The following FARS2 variants were observed in gnomAD, a reference collection of about 807,000 sequenced individuals.
The protein encoded by FARS2 is phenylalanyl-tRNA synthetase 2, mitochondrial.
Under a neutral mutation model 46.4 loss-of-function variants are expected in FARS2, and 40 were observed. That is an observed-to-expected ratio of 0.86 (90% CI 0.67 to 1.12). FARS2 has a LOEUF of 1.12. FARS2 is among the 50% of genes most tolerant of loss of function. The pLI is 0.00. For missense variants in FARS2, 513 were observed against 567.9 expected (o/e 0.90, Z 0.98); for synonymous variants, 234 against 214.9 (o/e 1.09, Z -0.78).
At chr6:5,366,914 A>G (rs1250464846) in intron 1 of FARS2, among the ~76,000 whole-genome samples, 1 of 152,230 alleles carries the variant, frequency 6.6e-6, no homozygotes, top group African/African-American at 2.4e-5. Context: ...TGCAGTGACA[A>G]GTCACTGAAC....
At chr6:5,693,324 C>G (rs1013688789) in intron 6 of FARS2, among the ~76,000 whole-genome samples, 13 of 152,226 alleles carry the variant, frequency 8.5e-5, no homozygotes, top group Non-Finnish European at 1.5e-5. Context: ...CTCACCAGAT[C>G]TGCCCCCTCA....
chr6:5,607,854 A>G (rs1774930789), intron 5 of FARS2, among the ~76,000 whole-genome samples: 1 of 152,186 alleles, frequency 6.6e-6, no homozygotes, highest in Non-Finnish European at 1.5e-5. Context: ...AAATCAGCAG[A>G]TAAAAGAAAG....
chr6:5,453,023 C>T (rs2150272743), intron 4 of FARS2, among the ~76,000 whole-genome samples: 1 of 152,136 alleles, frequency 6.6e-6, no homozygotes, highest in South Asian at 2.1e-4. Context: ...CTGTGTAGGT[C>T]CGTTTGAGAA....
chr6:5,626,813 G>A (rs1031213295), intron 6 of FARS2, among the ~76,000 whole-genome samples: 3 of 152,154 alleles, frequency 2.0e-5, no homozygotes, highest in Admixed American at 6.5e-5. Flanking sequence ...TGAGAAATTC[G>A]TCATTAGATT....
chr6:5,341,204 TATATATATATATATATATATATATATATA>T lies in FARS2; in HGVS notation c.-21-27345_-21-27317del, dbSNP rs1164967477. Among the ~76,000 whole-genome samples the T allele has an allele frequency of 9.3e-3, 44 of 4,712 alleles. 2 individuals are homozygous for T. The highest frequency in any genetic ancestry group is 0.018 in the Non-Finnish European group (33 of 1,828). 3.1% of individuals were successfully genotyped at this position (4,712 alleles called of 152,430 possible). On this transcript the variant is annotated intron_variant, in intron 1 of 6. Coordinates refer to ENST00000274680, the MANE Select transcript of FARS2 (RefSeq NM_006567.5). ...CCATGGGGAGATATATATATATATA[TATATATATATATATATATATATATATATA>T]TATTTTTTTTTTTTTTTTTTTTTTC...
At chr6:5,620,502 G>GA (rs915132313) in intron 6 of FARS2, among the ~76,000 whole-genome samples, 2 of 152,134 alleles carry the variant, frequency 1.3e-5, no homozygotes, top group African/African-American at 4.8e-5. Flanking sequence ...CCAGGCTTTG[G>GA]AAAGAGCAGG....
At chr6:5,342,186 A>T (rs1344367524) in intron 1 of FARS2, among the ~76,000 whole-genome samples, 1 of 152,230 alleles carries the variant, frequency 6.6e-6, no homozygotes, top group Non-Finnish European at 1.5e-5. Flanking sequence ...ATATTAAAAG[A>T]TAGATATCCT....
chr6:5,643,749 A>T (rs1004514683), intron 6 of FARS2, among the ~76,000 whole-genome samples: 1 of 152,146 alleles, frequency 6.6e-6, no homozygotes, highest in African/African-American at 2.4e-5. Context: ...CTTGATCCAC[A>T]GTCTACCAGC....
At chr6:5,312,892 T>C (rs1019342373) in intron 1 of FARS2, among the ~76,000 whole-genome samples, 1 of 152,156 alleles carries the variant, frequency 6.6e-6, no homozygotes, top group Non-Finnish European at 1.5e-5. Flanking sequence ...CCAAAGAATC[T>C]GGGGGATACT....
At chr6:5,384,939 A>G (rs1392241939) in intron 2 of FARS2, among the ~76,000 whole-genome samples, 1 of 152,224 alleles carries the variant, frequency 6.6e-6, no homozygotes, top group African/African-American at 2.4e-5. Context: ...GGGAGAAAAT[A>G]AAGTCTGCTT....
rs142048370 is a variant in FARS2 at position 5,751,274 on chromosome 6, T to C, written c.1218-20017T>C. Among the ~76,000 whole-genome samples, 53 of 152,342 alleles carry C rather than the reference T, an allele frequency of 3.5e-4. 1 individual carries two copies. The highest frequency in any genetic ancestry group is 1.2e-3 in the African/African-American group (51 of 41,576). On this transcript the variant is annotated intron_variant, in intron 6 of 6. Transcript: ENST00000274680. ...TCAGGCTAAGTCTGGGCTTTCCATC[T>C]ACTTTTAGTTGATCAGGCAAATGGC... is the stretch of plus-strand genomic sequence containing the variant.
chr6:5,526,281 A>C (rs1276895165), intron 4 of FARS2, among the ~76,000 whole-genome samples: 3 of 152,220 alleles, frequency 2.0e-5, no homozygotes, highest in Non-Finnish European at 2.9e-5. Context: ...GTTTTGGATA[A>C]TGATGAAGAG....
At chr6:5,670,610 T>C (rs201224298) in intron 6 of FARS2, among the ~76,000 whole-genome samples, 4 of 152,214 alleles carry the variant, frequency 2.6e-5, no homozygotes, top group African/African-American at 4.8e-5. Flanking sequence ...GGCAAGTTAT[T>C]ACTTGTACGT....
At chr6:5,580,207 G>A (rs190304004) in intron 5 of FARS2, among the ~76,000 whole-genome samples, 10 of 148,980 alleles carry the variant, frequency 6.7e-5, no homozygotes, top group East Asian at 6.1e-4. Context: ...GGAGAATGGC[G>A]TGAACCCGAG....
At position 5,381,402 on chromosome 6, in the gene FARS2, C is replaced by T. The variant is rs918089005; in HGVS notation, c.612+12220C>T. On this transcript the variant is annotated intron_variant, in intron 2 of 6. Transcript: ENST00000274680. ...ACACACACACACACACACACACACA[C>T]ACATACACACACACACACAGATGCA... Among the ~76,000 whole-genome samples the T allele has an allele frequency of 4.2e-3, 525 of 124,902 alleles. 2 individuals carry two copies. Among genetic ancestry groups the T allele is most frequent in the African/African-American group, 0.019 (505 of 27,052 alleles). 81.9% of individuals were successfully genotyped at this position (124,902 alleles called of 152,430 possible). A position where few individuals can be genotyped will look rare whatever the true frequency, so the allele number is the denominator to read the frequency against.
At chr6:5,286,418 A>G (rs1398040002) in intron 1 of FARS2, among the ~76,000 whole-genome samples, 2 of 152,084 alleles carry the variant, frequency 1.3e-5, no homozygotes, top group Non-Finnish European at 2.9e-5. Flanking sequence ...GCATGTCACC[A>G]TGCCCGGCTA....
intron 6 of FARS2, among the ~76,000 whole-genome samples, chr6:5,767,065 T>A (rs552603926): frequency 2.5e-4 from 37 of 150,016 alleles, no homozygotes; most frequent in South Asian, 1.5e-3. Flanking sequence ...CCAAAAAAAA[T>A]TTTTTTTTCA....
At chr6:5,350,552 A>G (rs1757512274) in intron 1 of FARS2, among the ~76,000 whole-genome samples, 2 of 152,124 alleles carry the variant, frequency 1.3e-5, no homozygotes, top group African/African-American at 4.8e-5. Flanking sequence ...ATTTTCGACA[A>G]AAGCCTGAAA....
At chr6:5,310,980 A>C (rs1455171395) in intron 1 of FARS2, among the ~76,000 whole-genome samples, 1 of 152,188 alleles carries the variant, frequency 6.6e-6, no homozygotes, top group Non-Finnish European at 1.5e-5. Flanking sequence ...CAGCAATCCC[A>C]CCATTAAAAA....
Sources: allele counts gnomAD v4.1 joint callset (sites outside exome capture counted in the v4.1 genomes callset), GRCh38; gene constraint gnomAD v4.1.1; transcripts MANE v1.5; gene names NCBI Gene and HGNC (gene_info 2026-07-23, HGNC 2026-07-21).